The following DOCK3 variants were observed in gnomAD, a reference collection of about 807,000 sequenced individuals.
DOCK3 encodes dedicator of cytokinesis 3.
In DOCK3, 60 loss-of-function variants were observed where a neutral mutation model predicts 265.6. The observed-to-expected ratio is 0.23, with a 90% CI of 0.18 to 0.28. The LOEUF (loss-of-function observed/expected upper bound fraction) is 0.28, where lower values mean the gene tolerates loss of function less well. Among genes scored for constraint, DOCK3 ranks in the 10% least tolerant of loss-of-function variants. The pLI, the probability that DOCK3 is intolerant of heterozygous loss-of-function variation, is 1.00. For synonymous variants in DOCK3, 881 were observed against 938.0 expected, an observed-to-expected ratio of 0.94 and a Z score of 1.11; for missense variants, 1,981 against 2,594.3, an observed-to-expected ratio of 0.76 and a Z score of 5.14.
At chr3:51,289,771 A>T (rs1024548285) in intron 27 of DOCK3, among the ~76,000 whole-genome samples, 1 of 152,176 alleles carries the variant, frequency 6.6e-6, no homozygotes, top group Admixed American at 6.5e-5. Flanking sequence ...ATGGGAGAAC[A>T]TTTTTGCAAT....
intron 4 of DOCK3, among the ~76,000 whole-genome samples, chr3:50,929,104 T>C (rs551656743): frequency 6.6e-6 from 1 of 152,332 alleles, no homozygotes; most frequent in South Asian, 2.1e-4. Context: ...TGTAACTCTG[T>C]TGTAAGTCGA....
At chr3:50,807,186 T>C (rs1459238655) in intron 2 of DOCK3, among the ~76,000 whole-genome samples, 1 of 152,144 alleles carries the variant, frequency 6.6e-6, no homozygotes, top group Non-Finnish European at 1.5e-5. Context: ...TTTACCTTTG[T>C]TGGTTCTTGT....
rs2040447774 is a variant in DOCK3, at chr3:50,760,351, A to T, written c.38-18324A>T. ...TTCTAAGATCACAACTGATTTTTAT[A>T]TGCAGATGGTTCTTGACTTAGGATG... On this transcript the variant is annotated intron_variant, in intron 1 of 52. Transcript: ENST00000266037. Among the ~76,000 whole-genome samples the T allele has an allele frequency of 2.0e-5, 3 of 152,208 alleles. No homozygotes were observed. The South Asian group carries it at 6.2e-4, about 31-fold the overall frequency.
At chr3:50,773,197 C>T (rs2108486089) in intron 1 of DOCK3, among the ~76,000 whole-genome samples, 1 of 152,112 alleles carries the variant, frequency 6.6e-6, no homozygotes, top group Middle Eastern at 3.4e-3. Flanking sequence ...AGAATGGTTT[C>T]TTCTATAAAT....
intron 5 of DOCK3, among the ~76,000 whole-genome samples, chr3:50,964,803 A>G (rs1189264036): frequency 1.3e-5 from 2 of 152,124 alleles, no homozygotes; most frequent in Non-Finnish European, 2.9e-5. Flanking sequence ...AAAAGAATAT[A>G]CATCATAATA....
intron 2 of DOCK3, among the ~76,000 whole-genome samples, chr3:50,813,837 A>G (rs1433399973): frequency 6.6e-6 from 1 of 152,242 alleles, no homozygotes; most frequent in Non-Finnish European, 1.5e-5. Flanking sequence ...CTAAGTATGC[A>G]GAATACTCAC....
At position 51,013,407 on chromosome 3, in the gene DOCK3, C is replaced by T. The variant is rs548050237; in HGVS notation, c.316-51041C>T. On this transcript the variant is annotated intron_variant, in intron 5 of 52. Coordinates refer to ENST00000266037, the MANE Select transcript of DOCK3 (RefSeq NM_004947.5). ...TAGTTTTCCTTATAACAATCAGGTC[C>T]CTCAGCTGCAGGTCTGTTGGAGTTT... 1.4e-4 allele frequency among the ~76,000 whole-genome samples: 22 copies of T among 152,300 alleles called. No individual in the cohort carries two copies. The South Asian group carries it at 4.1e-3, about 29-fold the overall frequency.
chr3:51,051,871 T>A (rs776637107), intron 5 of DOCK3, among the ~76,000 whole-genome samples: 2 of 151,160 alleles, frequency 1.3e-5, no homozygotes, highest in Non-Finnish European at 2.9e-5. Flanking sequence ...AGCAAGGGGG[T>A]GGGAGAGGTG....
At chr3:51,089,431 A>G (rs2082552638) in intron 8 of DOCK3, 147 bp downstream of exon 8, 3 of 939,358 alleles carry the variant, frequency 3.2e-6, no homozygotes, top group East Asian at 5.3e-5. Context: ...ACCTCTAAAC[A>G]GTTTTGGCCA....
intron 21 of DOCK3, among the ~76,000 whole-genome samples, chr3:51,238,027 A>C (rs1043441715): frequency 6.7e-6 from 1 of 150,104 alleles, no homozygotes; most frequent in Non-Finnish European, 1.5e-5. Flanking sequence ...TTCACTCAGC[A>C]TAATGTCTTC....
intron 19 of DOCK3, among the ~76,000 whole-genome samples, chr3:51,230,891 T>A (rs1180878150): frequency 1.3e-5 from 2 of 152,112 alleles, no homozygotes; most frequent in African/African-American, 4.8e-5. Flanking sequence ...TTATTGTGAA[T>A]AATACCGTGA....
chr3:51,225,613 T>C, intron 14 of DOCK3, 36 bp from the exon 15 acceptor site: 1 of 1,593,058 alleles, frequency 6.3e-7, no homozygotes. Flanking sequence ...GTATGGCTTC[T>C]GGAGTCATAA....
intron 2 of DOCK3, among the ~76,000 whole-genome samples, chr3:50,828,148 C>A (rs1280090573): frequency 6.6e-6 from 1 of 151,982 alleles, no homozygotes; most frequent in Admixed American, 6.6e-5. Context: ...AGGCTGGCCT[C>A]GAACTCCGGA....
At chr3:51,354,840 C>T (rs1422068419) in intron 40 of DOCK3, 42 bp from the exon 41 acceptor site, 1 of 1,594,246 alleles carries the variant, frequency 6.3e-7, no homozygotes, top group African/African-American at 1.3e-5. Context: ...TGGGGGGCTA[C>T]AAGCAAAGCA....
intron 4 of DOCK3, among the ~76,000 whole-genome samples, chr3:50,903,845 G>T (rs926984910): frequency 2.0e-5 from 3 of 151,656 alleles, no homozygotes; most frequent in Non-Finnish European, 4.4e-5. Context: ...TATATGTGCC[G>T]TGTTGGTGTG....
At chr3:50,825,263 A>G (rs1002381293) in intron 2 of DOCK3, among the ~76,000 whole-genome samples, 1 of 152,238 alleles carries the variant, frequency 6.6e-6, no homozygotes, top group Non-Finnish European at 1.5e-5. Context: ...TCATATACCC[A>G]TAAGGACAAG....
At chr3:51,014,971 T>A (rs79514821) in intron 5 of DOCK3, among the ~76,000 whole-genome samples, 3,858 of 152,248 alleles carry the variant, frequency 0.025, 198 homozygotes, top group African/African-American at 0.088. Flanking sequence ...ATGCTACTGA[T>A]TTTCATAACT....
intron 9 of DOCK3, among the ~76,000 whole-genome samples, chr3:51,122,308 G>A (rs1258486929): frequency 1.3e-5 from 2 of 152,028 alleles, no homozygotes; most frequent in Non-Finnish European, 2.9e-5. Context: ...AGTAAGACCC[G>A]GTTTCTACAA....
intron 12 of DOCK3, among the ~76,000 whole-genome samples, chr3:51,167,740 TG>T (rs1037691410): frequency 2.0e-5 from 3 of 152,196 alleles, no homozygotes; most frequent in African/African-American, 7.2e-5. Context: ...TTAACTTTTT[TG>T]GAGAGCTTGT....
Sources: allele counts gnomAD v4.1 joint callset (sites outside exome capture counted in the v4.1 genomes callset), GRCh38; gene constraint gnomAD v4.1.1; transcripts MANE v1.5; gene names NCBI Gene and HGNC (gene_info 2026-07-23, HGNC 2026-07-21).